The following NCOA1 variants were observed in gnomAD, a reference collection of about 807,000 sequenced individuals.
NCOA1 encodes nuclear receptor coactivator 1.
A neutral mutation model predicts 150.9 loss-of-function variants in NCOA1; 35 were observed. The observed-to-expected ratio is 0.23, with a 90% CI of 0.18 to 0.31. NCOA1 has a LOEUF of 0.31. Among genes scored for constraint, NCOA1 ranks in the 10% least tolerant of loss-of-function variants. NCOA1 has a pLI of 1.00. For missense variants in NCOA1, 1,491 were observed against 1,749.3 expected, an observed-to-expected ratio of 0.85 and a Z score of 2.63; for synonymous variants, 590 against 630.0, an observed-to-expected ratio of 0.94 and a Z score of 0.95.
At position 24,705,226 on chromosome 2, in the gene NCOA1, A is replaced by G. The variant is rs761925101; in HGVS notation, c.1090A>G (p.Ile364Val). The G allele has an allele frequency of 3.1e-6, 5 of 1,613,912 alleles. No individual in the cohort carries two copies. The highest frequency in any genetic ancestry group is 4.2e-6 in the Non-Finnish European group (5 of 1,179,768). Reference sequence around the variant, plus strand: ...ACCTTTCATCATGGGAATTCATATCATCGACAGGTACTACTTATTTGGAGA... The same window carrying G: ...ACCTTTCATCATGGGAATTCATATCGTCGACAGGTACTACTTATTTGGAGA... ...MQPFIMGIHI[I>V]DREHSGLSPQ... The change falls in exon 12 of 23, where the codon ATC (isoleucine) becomes GTC (valine). Residue 364 changes from isoleucine to valine, a missense_variant. By Grantham distance (29) the Ile-to-Val change is conservative (BLOSUM62 3). Transcript: ENST00000348332.
At position 24,585,861 on chromosome 2, in the gene NCOA1, T is replaced by C. The variant is rs150658878; in HGVS notation, c.-175+1301T>C. Among the ~76,000 whole-genome samples, 946 of 152,344 alleles carry C rather than the reference T, an allele frequency of 6.2e-3. 13 individuals carry two copies. The highest frequency in any genetic ancestry group is 0.021 in the African/African-American group (867 of 41,580). Reference sequence around the variant, plus strand: ...GTTATTGTAGCTTTAAAGTCCTCTTTTATTAGTTTTTCAAAACTGTTTTAT... The same window carrying C: ...GTTATTGTAGCTTTAAAGTCCTCTTCTATTAGTTTTTCAAAACTGTTTTAT... On this transcript the variant is annotated intron_variant, in intron 3 of 22. Transcript: ENST00000348332.
chr2:24,767,910 C>T (rs1451279984), intron 22 of NCOA1: 3 of 595,672 alleles, frequency 5.0e-6, no homozygotes, highest in Non-Finnish European at 8.9e-6. Flanking sequence ...GATACCCAGA[C>T]TCTGAAACTG....
chr2:24,552,351 ATATTTTTT>A (rs1324160394), intron 1 of NCOA1, among the ~76,000 whole-genome samples: 1 of 30,038 alleles, frequency 3.3e-5, no homozygotes, highest in East Asian at 9.0e-4. Context: ...ATATATATAT[ATATTTTTT>A]TTTTTTTTTT....
intron 3 of NCOA1, among the ~76,000 whole-genome samples, chr2:24,597,409 C>T (rs1188149975): frequency 1.3e-5 from 2 of 152,018 alleles, no homozygotes; most frequent in Non-Finnish European, 2.9e-5. Flanking sequence ...TCTATAGTCA[C>T]TAAACAGGAT....
At chr2:24,571,073 A>C (rs966600424) in intron 2 of NCOA1, among the ~76,000 whole-genome samples, 4 of 152,222 alleles carry the variant, frequency 2.6e-5, no homozygotes, top group African/African-American at 9.6e-5. Flanking sequence ...TTAGCGATAC[A>C]TAATGAAATA....
chr2:24,522,989 T>A (rs922647074), intron 1 of NCOA1, among the ~76,000 whole-genome samples: 1 of 152,172 alleles, frequency 6.6e-6, no homozygotes, highest in Non-Finnish European at 1.5e-5. Context: ...ACTTTTTGAG[T>A]GCTTATCTTA....
chr2:24,631,764 G>T (rs551556726), intron 3 of NCOA1, among the ~76,000 whole-genome samples: 45 of 152,222 alleles, frequency 3.0e-4, no homozygotes, highest in African/African-American at 1.1e-3. Context: ...CGTTCTCTTG[G>T]TTGAAAGCTG....
intron 3 of NCOA1, among the ~76,000 whole-genome samples, chr2:24,588,507 C>A (rs1165335241): frequency 6.6e-6 from 1 of 152,168 alleles, no homozygotes; most frequent in Non-Finnish European, 1.5e-5. Context: ...CTTTTTCCCC[C>A]CTCTCCGTTG....
intron 19 of NCOA1, 46 bp from the exon 20 acceptor site, chr2:24,751,936 T>C: frequency 6.6e-7 from 1 of 1,521,132 alleles, no homozygotes; most frequent in Non-Finnish European, 8.9e-7. Flanking sequence ...ATGGGGTTAA[T>C]AAATTTATAG....
In NCOA1 at chr2:24,707,541, C is replaced by A; in HGVS notation, c.2071C>A (p.His691Asn). ...SSLTERHKIL[H>N]RLLQEGSPSD... ...ATTGACAGAACGGCATAAAATTCTACACCGGCTCTTACAGGAGGGTAGCCC... is the reference window on the plus strand; with the variant it reads ...ATTGACAGAACGGCATAAAATTCTAAACCGGCTCTTACAGGAGGGTAGCCC... The change falls in exon 13 of 23, where the codon CAC becomes AAC. Residue 691 changes from histidine to asparagine, a missense_variant. By Grantham distance (68) the His-to-Asn change is moderately conservative. This residue lies in a region of NCOA1 where 703 missense variants were observed against 717.7 expected (regional missense o/e 0.98). Coordinates refer to ENST00000348332, the MANE Select transcript of NCOA1 (RefSeq NM_003743.5). 6.2e-7 allele frequency: 1 copy of A among 1,614,214 alleles called. No homozygotes were observed. The highest frequency in any genetic ancestry group is 8.5e-7 in the Non-Finnish European group (1 of 1,180,044).
At chr2:24,576,847 A>G (rs1233195228) in intron 2 of NCOA1, among the ~76,000 whole-genome samples, 2 of 152,146 alleles carry the variant, frequency 1.3e-5, no homozygotes. Flanking sequence ...TTCTCCTCTC[A>G]GTTTCAGTGT....
In NCOA1 at chr2:24,765,187, A is replaced by AAG. The variant is rs562317300; in HGVS notation, c.4155+2425_4155+2426dup. On this transcript the variant is annotated intron_variant, in intron 22 of 22. Transcript: ENST00000348332. ...GGGATACTTCGACTCAAAAAAAAAA[A>AAG]AGAGAGAGAGAGAGAAGGCATTTTA... Among the ~76,000 whole-genome samples, 35 of 151,424 alleles carry AAG rather than the reference A, an allele frequency of 2.3e-4. No homozygotes were observed. In the South Asian group the frequency reaches 4.4e-3, roughly 19 times the overall value.
chr2:24,510,678 G>T (rs990723936), intron 1 of NCOA1, among the ~76,000 whole-genome samples: 6 of 151,310 alleles, frequency 4.0e-5, no homozygotes, highest in South Asian at 2.1e-4. Context: ...GTAAACTTTG[G>T]TAATGCGTTT....
At chr2:24,742,965 G>A (rs1663688514) in intron 19 of NCOA1, among the ~76,000 whole-genome samples, 1 of 152,032 alleles carries the variant, frequency 6.6e-6, no homozygotes, top group African/African-American at 2.4e-5. Context: ...TCAACTTTCT[G>A]GCTTCCAAAA....
intron 2 of NCOA1, among the ~76,000 whole-genome samples, chr2:24,578,509 A>G (rs1259115019): frequency 6.6e-6 from 1 of 152,200 alleles, no homozygotes; most frequent in Non-Finnish European, 1.5e-5. Context: ...AATATTTACA[A>G]CACTAAGATT....
At chr2:24,702,088 C>A (rs1371549278) in intron 11 of NCOA1, among the ~76,000 whole-genome samples, 2 of 152,164 alleles carry the variant, frequency 1.3e-5, no homozygotes, top group Non-Finnish European at 2.9e-5. Flanking sequence ...TGCTATAAAA[C>A]ATAAAGTACC....
At chr2:24,745,263 G>A (rs1339071784) in intron 19 of NCOA1, among the ~76,000 whole-genome samples, 2 of 149,086 alleles carry the variant, frequency 1.3e-5, no homozygotes, top group African/African-American at 2.5e-5. Flanking sequence ...CCGGGTTCAC[G>A]CCATTCTCCT....
chr2:24,691,391 AGCAGATG>A, intron 8 of NCOA1, 83 bp from the exon 9 acceptor site: 1 of 1,194,698 alleles, frequency 8.4e-7, no homozygotes, highest in East Asian at 2.3e-5. Context: ...TATCTAATTA[AGCAGATG>A]GCTTAAAGTA....
chr2:24,649,816 C>T (rs978225559), intron 4 of NCOA1, among the ~76,000 whole-genome samples: 30 of 151,988 alleles, frequency 2.0e-4, no homozygotes. Context: ...AAAGCATTGT[C>T]GCTTAGTCTG....
Sources: allele counts gnomAD v4.1 joint callset (sites outside exome capture counted in the v4.1 genomes callset), GRCh38; gene constraint gnomAD v4.1.1; regional missense constraint gnomAD v4.1.1; transcripts MANE v1.5; gene names NCBI Gene and HGNC (gene_info 2026-07-23, HGNC 2026-07-21).